DOCK5: variants seen among roughly 807,000 people sequenced by gnomAD.
DOCK5 encodes the protein dedicator of cytokinesis 5, also known as dedicator of cytokinesis protein 5.
A neutral mutation model predicts 251.8 loss-of-function variants in DOCK5; 142 were observed. The ratio of observed to expected loss-of-function variants is 0.56; its 90% CI spans 0.49 to 0.65. The LOEUF is 0.65. Ranked by LOEUF, DOCK5 falls within the 30% of genes least tolerant of loss-of-function variation. DOCK5 has a pLI of 0.00. For missense variants in DOCK5, 2,111 were observed against 2,312.3 expected (o/e 0.91, Z 1.79); for synonymous variants, 842 against 835.5 (o/e 1.01, Z -0.13).
intron 5 of DOCK5, among the ~76,000 whole-genome samples, chr8:25,287,995 C>T (rs1804385151): frequency 6.6e-6 from 1 of 151,544 alleles, no homozygotes; most frequent in Non-Finnish European, 1.5e-5. Context: ...AAGCAATTCT[C>T]CTGCCTCAGC....
At chr8:25,279,941 T>G (rs1422610972) in intron 5 of DOCK5, among the ~76,000 whole-genome samples, 3 of 152,060 alleles carry the variant, frequency 2.0e-5, no homozygotes, top group Non-Finnish European at 4.4e-5. Context: ...GTGTGTGTGT[T>G]TTTAGTAGAG....
intron 1 of DOCK5, among the ~76,000 whole-genome samples, chr8:25,186,208 C>G (rs1190546964): frequency 6.6e-6 from 1 of 151,784 alleles, no homozygotes; most frequent in African/African-American, 2.4e-5. Context: ...AGGTTGTGAT[C>G]CTTTATATAT....
At chr8:25,236,681 A>T (rs1006602294) in intron 1 of DOCK5, among the ~76,000 whole-genome samples, 18 of 152,026 alleles carry the variant, frequency 1.2e-4, no homozygotes, top group African/African-American at 4.3e-4. Flanking sequence ...CCCAGGTTCA[A>T]GCGATTCTCC....
intron 12 of DOCK5, 78 bp downstream of exon 12, chr8:25,309,003 C>A: frequency 1.3e-6 from 2 of 1,517,406 alleles, no homozygotes; most frequent in Non-Finnish European, 1.8e-6. Context: ...GGACTCCTGC[C>A]CTTTATTATC....
chr8:25,325,604 C>T (rs1805545529), intron 18 of DOCK5, 57 bp downstream of exon 18: 3 of 1,587,758 alleles, frequency 1.9e-6, no homozygotes, highest in African/African-American at 1.4e-5. Context: ...TTTCTGGGCT[C>T]CTTGGTTAGG....
intron 2 of DOCK5, among the ~76,000 whole-genome samples, chr8:25,245,298 C>T (rs776078231): frequency 4.6e-5 from 7 of 152,110 alleles, no homozygotes; most frequent in African/African-American, 1.2e-4. Flanking sequence ...CCTCGTGATC[C>T]GCCTGCCTTG....
chr8:25,221,821 G>A (rs1802400248), intron 1 of DOCK5, among the ~76,000 whole-genome samples: 1 of 152,188 alleles, frequency 6.6e-6, no homozygotes, highest in African/African-American at 2.4e-5. Flanking sequence ...GCTTAAAGAA[G>A]TTTAATGACC....
chr8:25,190,911 A>G, intron 1 of DOCK5, among the ~76,000 whole-genome samples: 1 of 150,880 alleles, frequency 6.6e-6, no homozygotes, highest in Admixed American at 6.6e-5. Context: ...AGCCTCCCGC[A>G]TAGCTGTGAC....
chr8:25,230,899 G>A (rs1043191853), intron 1 of DOCK5, among the ~76,000 whole-genome samples: 5 of 152,050 alleles, frequency 3.3e-5, no homozygotes, highest in African/African-American at 1.2e-4. Context: ...CGAAGAGTAT[G>A]AAGAAGAACA....
Position 25,310,509 on chromosome 8 carries a change from G to T in DOCK5, c.1295G>T (p.Gly432Val). The T allele has an allele frequency of 6.2e-7, 1 of 1,612,146 alleles. No individual in the cohort carries two copies. Among genetic ancestry groups the T allele is most frequent in the Non-Finnish European group, 8.5e-7 (1 of 1,179,150 alleles). ...TCAACAGCAATAGCCCGGAAGATGG[G>T]CTTTCCTGAAATCATACTGCCAGGT... Reference protein sequence around the residue: ...DRSTAIARKMGFPEIILPGDV... With the variant: ...DRSTAIARKMVFPEIILPGDV... Residue 432 changes from glycine to valine, a missense_variant, in exon 13 of 52, where the codon GGC (glycine) becomes GTC (valine). Around this residue, in one of 3 missense-constraint regions of DOCK5, gnomAD observed 1,717 missense variants for 1,892.4 expected, o/e 0.91. Coordinates refer to ENST00000276440, the MANE Select transcript of DOCK5 (RefSeq NM_024940.8).
chr8:25,302,537 G>C, intron 10 of DOCK5, 83 bp downstream of exon 10: 1 of 1,411,330 alleles, frequency 7.1e-7, no homozygotes, highest in Non-Finnish European at 9.3e-7. Context: ...AATTAAACAT[G>C]GAACTAGCAA....
intron 13 of DOCK5, among the ~76,000 whole-genome samples, chr8:25,312,408 T>C (rs13281138): frequency 0.048 from 7,358 of 152,278 alleles, 283 homozygotes; most frequent in South Asian, 0.13. Flanking sequence ...AGTTTTGTTT[T>C]GTTTTTTAAG....
intron 51 of DOCK5, 75 bp downstream of exon 51, chr8:25,410,277 C>T: frequency 7.8e-7 from 1 of 1,289,318 alleles, no homozygotes; most frequent in Non-Finnish European, 1.1e-6. Flanking sequence ...TTTCCAGGCT[C>T]TTTAGTGGGC....
At chr8:25,360,574 GCGGTTTAA>G (rs755682087) in intron 28 of DOCK5, among the ~76,000 whole-genome samples, 1 of 152,142 alleles carries the variant, frequency 6.6e-6, no homozygotes, top group Non-Finnish European at 1.5e-5. Flanking sequence ...TTTGGGGCAA[GCGGTTTAA>G]CCTCACTGAA....
chr8:25,372,527 C>A, intron 34 of DOCK5, 32 bp from the exon 35 acceptor site: 1 of 1,546,534 alleles, frequency 6.5e-7, no homozygotes, highest in Non-Finnish European at 8.7e-7. Flanking sequence ...AGCATGGAAC[C>A]TGGGCTTTTG....
At chr8:25,325,281 GA>G in intron 17 of DOCK5, 82 bp from the exon 18 acceptor site, 1 of 1,444,586 alleles carries the variant, frequency 6.9e-7, no homozygotes, top group Non-Finnish European at 9.5e-7. Flanking sequence ...TTCTCATGCT[GA>G]AAATGCATGA....
chr8:25,305,775 A>G (rs538725834), intron 11 of DOCK5, among the ~76,000 whole-genome samples: 9 of 152,160 alleles, frequency 5.9e-5, no homozygotes, highest in East Asian at 1.9e-4. Context: ...GGAGACATAC[A>G]TTACTTATAG....
At chr8:25,190,048 G>T (rs1331815652) in intron 1 of DOCK5, among the ~76,000 whole-genome samples, 1 of 152,032 alleles carries the variant, frequency 6.6e-6, no homozygotes, top group African/African-American at 2.4e-5. Context: ...CACCACGCCC[G>T]GCCAGTTTTT....
chr8:25,308,754 C>T (rs758195488), intron 11 of DOCK5, 29 bp from the exon 12 acceptor site: 1 of 1,611,428 alleles, frequency 6.2e-7, no homozygotes, highest in Non-Finnish European at 8.5e-7. Context: ...CTCCCCCTCC[C>T]ACCTTACCTC....
Sources: allele counts gnomAD v4.1 joint callset (sites outside exome capture counted in the v4.1 genomes callset), GRCh38; gene constraint gnomAD v4.1.1; regional missense constraint gnomAD v4.1.1; transcripts MANE v1.5; gene names NCBI Gene and HGNC (gene_info 2026-07-23, HGNC 2026-07-21).